NCKAP5: variants seen among roughly 807,000 people sequenced by gnomAD.
NCKAP5 encodes the protein NCK associated protein 5.
NCKAP5 carries 92 observed loss-of-function variants against 167.0 expected under a neutral mutation model. That is an observed-to-expected ratio of 0.55 (90% CI 0.47 to 0.66). NCKAP5 has a LOEUF of 0.66. NCKAP5 is among the 30% of genes least tolerant of loss of function. The pLI is 0.00. For synonymous variants in NCKAP5, 891 were observed against 877.4 expected, an observed-to-expected ratio of 1.02 and a Z score of -0.27; for missense variants, 2,378 against 2,315.0, an observed-to-expected ratio of 1.03 and a Z score of -0.56.
chr2:133,540,593 G>C (rs1686142511), intron 2 of NCKAP5, among the ~76,000 whole-genome samples: 1 of 152,170 alleles, frequency 6.6e-6, no homozygotes, highest in Non-Finnish European at 1.5e-5. Flanking sequence ...AGTAAGCAAA[G>C]ACATGGATCA....
intron 11 of NCKAP5, among the ~76,000 whole-genome samples, chr2:132,847,087 T>C (rs914300749): frequency 1.3e-5 from 2 of 152,174 alleles, no homozygotes; most frequent in Non-Finnish European, 2.9e-5. Flanking sequence ...CATATTTATA[T>C]TATAAAAATC....
chr2:133,294,545 CG>C (rs1679824553), intron 4 of NCKAP5, among the ~76,000 whole-genome samples: 1 of 152,130 alleles, frequency 6.6e-6, no homozygotes, highest in Non-Finnish European at 1.5e-5. Context: ...CATGTGGCCT[CG>C]CAGCAAGCAA....
rs1692487453 is a variant in NCKAP5 at position 132,889,233 on chromosome 2, T to A, written c.580-10317A>T. ...AGATTGGAGATGAACTATCCAGCTG[T>A]GTCCTCCCCAAATTTCTGACCCATA... On this transcript the variant is annotated intron_variant, in intron 8 of 19. Transcript: ENST00000409261. Among the ~76,000 whole-genome samples the A allele has an allele frequency of 2.0e-5, 3 of 152,190 alleles. No homozygotes were observed. In the South Asian group the frequency reaches 6.2e-4, roughly 32 times the overall value.
At chr2:133,221,779 A>G (rs971682831) in intron 4 of NCKAP5, among the ~76,000 whole-genome samples, 4 of 152,252 alleles carry the variant, frequency 2.6e-5, no homozygotes, top group African/African-American at 9.6e-5. Context: ...GCAACAAATT[A>G]CATAGGAGAA....
rs530013944 is a variant in NCKAP5 at position 133,518,395 on chromosome 2, C to T, written c.-61-808G>A. On this transcript the variant is annotated intron_variant, in intron 2 of 19. Coordinates refer to ENST00000409261, the MANE Select transcript of NCKAP5 (RefSeq NM_207363.3). ...TTTGGGATGGAATCTCGCTCTGTCA[C>T]CCAGGCTGGAGTACAGTGGCACGAT... is the stretch of plus-strand genomic sequence containing the variant. Among the ~76,000 whole-genome samples, 67 of 105,834 alleles carry T rather than the reference C, an allele frequency of 6.3e-4. 1 individual carries two copies. Among genetic ancestry groups the T allele is most frequent in the African/African-American group, 2.1e-3 (66 of 31,096 alleles). 69.4% of individuals were successfully genotyped at this position (105,834 alleles called of 152,430 possible).
In NCKAP5 at chr2:132,866,547, G is replaced by A. The variant is rs147854255; in HGVS notation, c.687+2389C>T. ...AGGTACACTGAACAGAAACTGCTAA[G>A]TTCATGGAAATAATTTTTTTTTTCT... On this transcript the variant is annotated intron_variant, in intron 10 of 19. Coordinates refer to ENST00000409261, the MANE Select transcript of NCKAP5 (RefSeq NM_207363.3). 3.3e-5 allele frequency among the ~76,000 whole-genome samples: 5 copies of A among 152,214 alleles called. No homozygotes were observed. The East Asian group carries it at 7.7e-4, about 24-fold the overall frequency.
chr2:132,938,277 A>T (rs187836804), intron 8 of NCKAP5, among the ~76,000 whole-genome samples: 1 of 152,296 alleles, frequency 6.6e-6, no homozygotes, highest in Non-Finnish European at 1.5e-5. Flanking sequence ...TACAGTAGAG[A>T]ACAAAGGTTC....
chr2:132,871,454 T>C (rs1574476328), intron 9 of NCKAP5, among the ~76,000 whole-genome samples: 1 of 152,236 alleles, frequency 6.6e-6, no homozygotes, highest in East Asian at 1.9e-4. Context: ...TACATTCTCA[T>C]AAAACTGCCC....
chr2:132,733,350 C>T (rs766961806), intron 16 of NCKAP5, among the ~76,000 whole-genome samples: 3 of 152,232 alleles, frequency 2.0e-5, no homozygotes, highest in East Asian at 3.9e-4. Context: ...TAATAGATTA[C>T]GACATAATGT....
chr2:133,449,091 A>T (rs1691391046), intron 3 of NCKAP5, among the ~76,000 whole-genome samples: 1 of 152,202 alleles, frequency 6.6e-6, no homozygotes, highest in Non-Finnish European at 1.5e-5. Context: ...AATGGCACTT[A>T]TCATATTGTA....
At chr2:133,422,097 C>T (rs1689516114) in intron 3 of NCKAP5, among the ~76,000 whole-genome samples, 1 of 152,212 alleles carries the variant, frequency 6.6e-6, no homozygotes. Flanking sequence ...GTGCAGGGGA[C>T]ACTCCCATTC....
At chr2:133,026,036 A>C (rs2078684232) in intron 6 of NCKAP5, among the ~76,000 whole-genome samples, 1 of 152,074 alleles carries the variant, frequency 6.6e-6, no homozygotes, top group Admixed American at 6.5e-5. Context: ...AATACCTGCT[A>C]TTCTGACTGG....
chr2:132,706,350 G>A (rs1393111557), intron 19 of NCKAP5, among the ~76,000 whole-genome samples: 1 of 152,226 alleles, frequency 6.6e-6, no homozygotes, highest in African/African-American at 2.4e-5. Flanking sequence ...CAGTTCTGCT[G>A]ATGGAAGGAG....
At chr2:133,582,006 G>A in the NCKAP5 span, among the ~76,000 whole-genome samples, 3 of 152,140 alleles carry the variant, frequency 2.0e-5, no homozygotes, top group South Asian at 2.1e-4. Context: ...ATGACACCAC[G>A]TCCTGGAGAA....
intron 11 of NCKAP5, among the ~76,000 whole-genome samples, chr2:132,831,990 A>G (rs1242872091): frequency 1.3e-5 from 2 of 152,068 alleles, no homozygotes; most frequent in Non-Finnish European, 2.9e-5. Context: ...CCATTTAAAC[A>G]TTGTGAAGAT....
intron 6 of NCKAP5, among the ~76,000 whole-genome samples, chr2:133,007,043 C>G (rs1346659167): frequency 1.3e-5 from 2 of 152,170 alleles, no homozygotes; most frequent in Admixed American, 6.5e-5. Flanking sequence ...CTACCAAATC[C>G]TCTTTCAGCC....
At chr2:133,201,891 C>T (rs1392777596) in intron 5 of NCKAP5, among the ~76,000 whole-genome samples, 1 of 152,050 alleles carries the variant, frequency 6.6e-6, no homozygotes. Flanking sequence ...AAAGAGAACA[C>T]AAACAAATGC....
the NCKAP5 span, among the ~76,000 whole-genome samples, chr2:133,609,157 C>T: frequency 3.3e-5 from 5 of 152,156 alleles, no homozygotes; most frequent in Admixed American, 6.6e-5. Flanking sequence ...CCTACCACAG[C>T]AGTTTGTGTG....
At chr2:133,560,201 G>A (rs907998538) in intron 1 of NCKAP5, among the ~76,000 whole-genome samples, 46 of 152,170 alleles carry the variant, frequency 3.0e-4, no homozygotes, top group African/African-American at 6.0e-4. Context: ...GAATATTTTC[G>A]TAAGTATAAA....
Sources: allele counts gnomAD v4.1 joint callset (sites outside exome capture counted in the v4.1 genomes callset), GRCh38; gene constraint gnomAD v4.1.1; transcripts MANE v1.5; gene names NCBI Gene and HGNC (gene_info 2026-07-23, HGNC 2026-07-21).